OR9Q1: variants seen among roughly 807,000 people sequenced by gnomAD.
OR9Q1 encodes olfactory receptor family 9 subfamily Q member 1, also known as olfactory receptor 9Q1.
For missense variants in OR9Q1, 374 were observed against 378.8 expected (o/e 0.99, Z 0.11); for synonymous variants, 153 against 148.6 (o/e 1.03, Z -0.22).
chr11:58,117,287 A>G (rs1853965396), intron 2 of OR9Q1: 1 of 152,126 alleles, frequency 6.6e-6, no homozygotes, highest in African/African-American at 2.4e-5. Flanking sequence ...TCATTTACCC[A>G]AAGTCTCATA....
intron 2 of OR9Q1, among the ~76,000 whole-genome samples, chr11:58,143,731 G>A (rs931353941): frequency 2.0e-5 from 3 of 151,996 alleles, no homozygotes; most frequent in Non-Finnish European, 4.4e-5. Context: ...GGTGGCATTA[G>A]GAAAAAAAGC....
chr11:58,060,053 G>A (rs1034473328), intron 2 of OR9Q1: 4 of 152,420 alleles, frequency 2.6e-5, no homozygotes, highest in Non-Finnish European at 5.9e-5. Flanking sequence ...GGGAGACTTG[G>A]GGTAGGGGGA....
intron 2 of OR9Q1, chr11:58,118,785 G>GAGCAGAT: frequency 6.2e-7 from 1 of 1,614,066 alleles, no homozygotes; most frequent in Non-Finnish European, 8.5e-7. Flanking sequence ...TCTTGATGAT[G>GAGCAGAT]AGCAGATAGG....
chr11:58,062,122 C>T (rs373106431), intron 2 of OR9Q1, among the ~76,000 whole-genome samples: 1 of 152,168 alleles, frequency 6.6e-6, no homozygotes, highest in Non-Finnish European at 1.5e-5. Context: ...TAACTTTCAA[C>T]GTGACCAACA....
At chr11:58,066,156 C>A (rs945774768) in intron 2 of OR9Q1, among the ~76,000 whole-genome samples, 1 of 144,698 alleles carries the variant, frequency 6.9e-6, no homozygotes, top group Non-Finnish European at 1.5e-5. Context: ...AAAAGCATGA[C>A]CCACTGTCAG....
At chr11:58,032,072 G>A (rs1853047031) in intron 1 of OR9Q1, 1 of 559,534 alleles carries the variant, frequency 1.8e-6, no homozygotes, top group African/African-American at 1.9e-5. Context: ...ATATTTATAA[G>A]GGGAACCACA....
chr11:58,143,956 A>T (rs368881189), intron 2 of OR9Q1, among the ~76,000 whole-genome samples: 1 of 152,202 alleles, frequency 6.6e-6, no homozygotes, highest in African/African-American at 2.4e-5. Context: ...GTGCTTTACA[A>T]ATCTAAAAGA....
chr11:58,050,536 G>T (rs1461686874), intron 1 of OR9Q1, among the ~76,000 whole-genome samples: 1 of 103,290 alleles, frequency 9.7e-6, no homozygotes, highest in Non-Finnish European at 2.0e-5. Context: ...ACATAGGCGT[G>T]GGCAAGGACT....
intron 2 of OR9Q1, among the ~76,000 whole-genome samples, chr11:58,132,734 C>T (rs1012339811): frequency 6.6e-6 from 1 of 152,008 alleles, no homozygotes; most frequent in Non-Finnish European, 1.5e-5. Context: ...TGGAGGAGGC[C>T]GCCAGACAAG....
At chr11:58,168,539 C>T (rs1007605150) in intron 2 of OR9Q1, among the ~76,000 whole-genome samples, 3 of 151,976 alleles carry the variant, frequency 2.0e-5, no homozygotes, top group African/African-American at 7.3e-5. Context: ...TTAAAATCAC[C>T]TCTACAAACT....
intron 2 of OR9Q1, among the ~76,000 whole-genome samples, chr11:58,152,540 A>C (rs1051812828): frequency 6.6e-6 from 1 of 152,136 alleles, no homozygotes; most frequent in African/African-American, 2.4e-5. Flanking sequence ...TGCATCATTT[A>C]TATTTCTTTT....
At chr11:58,063,627 A>T (rs1853400930) in intron 2 of OR9Q1, among the ~76,000 whole-genome samples, 1 of 152,188 alleles carries the variant, frequency 6.6e-6, no homozygotes, top group Admixed American at 6.5e-5. Context: ...TAGAGAATAA[A>T]GTGTTTGCAT....
At chr11:58,141,029 A>G (rs1161656702) in intron 2 of OR9Q1, among the ~76,000 whole-genome samples, 1 of 151,904 alleles carries the variant, frequency 6.6e-6, no homozygotes, top group Non-Finnish European at 1.5e-5. Context: ...ATTCCTAGGT[A>G]TTTTATTCTC....
chr11:58,116,447 G>A (rs554107409), intron 2 of OR9Q1, among the ~76,000 whole-genome samples: 2 of 152,234 alleles, frequency 1.3e-5, no homozygotes, highest in Admixed American at 6.5e-5. Flanking sequence ...TTATAAAGTT[G>A]TTAAACCCAT....
intron 2 of OR9Q1, among the ~76,000 whole-genome samples, chr11:58,086,191 C>T (rs1451771738): frequency 1.3e-5 from 2 of 151,818 alleles, no homozygotes; most frequent in Non-Finnish European, 2.9e-5. Flanking sequence ...CCAATTAAAA[C>T]ATGGACAAAG....
chr11:58,082,061 G>C (rs1853592667), intron 2 of OR9Q1, among the ~76,000 whole-genome samples: 1 of 152,110 alleles, frequency 6.6e-6, no homozygotes, highest in Admixed American at 6.6e-5. Flanking sequence ...ACCACAATGA[G>C]ATACCATCTC....
At chr11:58,085,668 T>C (rs1853627408) in intron 2 of OR9Q1, among the ~76,000 whole-genome samples, 1 of 151,868 alleles carries the variant, frequency 6.6e-6, no homozygotes, top group African/African-American at 2.4e-5. Flanking sequence ...TTATTCTTTT[T>C]TAAAAAATTA....
intron 2 of OR9Q1, among the ~76,000 whole-genome samples, chr11:58,129,557 C>T (rs1001707877): frequency 5.3e-5 from 8 of 152,162 alleles, no homozygotes; most frequent in Non-Finnish European, 1.2e-4. Context: ...TGATCTCCTA[C>T]TGGTCTTCTA....
chr11:58,092,965 C>A (rs1464449728), intron 2 of OR9Q1, among the ~76,000 whole-genome samples: 1 of 152,134 alleles, frequency 6.6e-6, no homozygotes, highest in Non-Finnish European at 1.5e-5. Context: ...CACTGCCCTG[C>A]AGAAGGGTTT....
Sources: allele counts gnomAD v4.1 joint callset (sites outside exome capture counted in the v4.1 genomes callset), GRCh38; gene constraint gnomAD v4.1.1; transcripts MANE v1.5; gene names NCBI Gene and HGNC (gene_info 2026-07-23, HGNC 2026-07-21).